GLI3: variants seen among roughly 807,000 people sequenced by gnomAD.
The protein encoded by GLI3 is transcription activator GLI3.
In GLI3, 20 loss-of-function variants were observed where a neutral mutation model predicts 100.8. The observed-to-expected ratio is 0.20, with a 90% confidence interval of 0.14 to 0.29. The LOEUF is 0.29. Among genes scored for constraint, GLI3 ranks in the 10% least tolerant of loss-of-function variants. The probability of loss-of-function intolerance (pLI) is 1.00; values close to 1 mark genes in which losing one functional copy is unlikely to be tolerated. For synonymous variants in GLI3, 938 were observed against 860.5 expected, an observed-to-expected ratio of 1.09 and a Z score of -1.58; for missense variants, 2,040 against 2,128.5, an observed-to-expected ratio of 0.96 and a Z score of 0.82.
chr7:42,110,456 C>T lies in GLI3; in HGVS notation c.368-33599G>A, dbSNP rs544124663. Reference sequence around the variant, plus strand: ...GAGGCCGTGTCAGCAGCACAGGCAACGGAAGTGGACATTCGTTATTTCCAC... The same window carrying T: ...GAGGCCGTGTCAGCAGCACAGGCAATGGAAGTGGACATTCGTTATTTCCAC... On this transcript the variant is annotated intron_variant, in intron 3 of 14. Transcript: ENST00000395925. Among the ~76,000 whole-genome samples, 11 of 152,268 alleles carry T rather than the reference C, an allele frequency of 7.2e-5. No individual in the cohort carries two copies. In the South Asian group the frequency reaches 8.3e-4, roughly 11 times the overall value.
In GLI3 at chr7:41,961,047, C is replaced by T. The variant is rs1786998330; in HGVS notation, c.*3283G>A. 1 of 152,650 alleles carries T rather than the reference C, an allele frequency of 6.6e-6. No homozygotes were observed. The highest frequency in any genetic ancestry group is 1.9e-4 in the East Asian group (1 of 5,170). 9.5% of individuals were successfully genotyped at this position (152,650 alleles called of 1,614,324 possible). On this transcript the variant is annotated 3_prime_UTR_variant, in exon 15 of 15. Coordinates refer to ENST00000395925, the MANE Select transcript of GLI3 (RefSeq NM_000168.6). ...TTCTGAAAGCAAAGGTAGAGTTCAT[C>T]TGTGGCTGGGCTGCAGCCCCTGGGC...
intron 10 of GLI3, among the ~76,000 whole-genome samples, chr7:41,988,913 G>A (rs1175340268): frequency 6.6e-6 from 1 of 152,172 alleles, no homozygotes; most frequent in Non-Finnish European, 1.5e-5. Flanking sequence ...TTGTTAAAGA[G>A]CTTCTCAGAG....
intron 5 of GLI3, among the ~76,000 whole-genome samples, chr7:42,047,772 T>C (rs980410657): frequency 6.6e-6 from 1 of 152,192 alleles, no homozygotes; most frequent in Non-Finnish European, 1.5e-5. Context: ...CTCATTTCCT[T>C]TCCCAGTACA....
At chr7:42,178,662 T>C (rs1181901834) in intron 2 of GLI3, among the ~76,000 whole-genome samples, 1 of 152,162 alleles carries the variant, frequency 6.6e-6, no homozygotes, top group Admixed American at 6.5e-5. Flanking sequence ...GTCTAGACAC[T>C]TGGACTCTAG....
chr7:42,018,128 T>C (rs1788822899), intron 10 of GLI3, among the ~76,000 whole-genome samples: 1 of 152,214 alleles, frequency 6.6e-6, no homozygotes, highest in African/African-American at 2.4e-5. Context: ...TCTGATCTCC[T>C]GAGTGTCTCT....
At chr7:42,100,799 G>A (rs1785445265) in intron 3 of GLI3, among the ~76,000 whole-genome samples, 1 of 152,120 alleles carries the variant, frequency 6.6e-6, no homozygotes, top group African/African-American at 2.4e-5. Context: ...AGACAGCCAT[G>A]GAAGAGAGGC....
chr7:42,088,994 G>A (rs1785161994), intron 3 of GLI3, among the ~76,000 whole-genome samples: 1 of 152,154 alleles, frequency 6.6e-6, no homozygotes, highest in Non-Finnish European at 1.5e-5. Flanking sequence ...CTCCATCTGA[G>A]TCCTCTCCTC....
rs560026586 is a variant in GLI3, at chr7:42,030,759, C to T, written c.1029-4347G>A. 6.2e-5 allele frequency among the ~76,000 whole-genome samples: 9 copies of T among 144,618 alleles called. No homozygotes were observed. In the East Asian group the frequency reaches 1.8e-3, roughly 30 times the overall value. The allele number at this position is 144,618 out of a possible 152,430, so 94.9% of individuals were successfully genotyped here. A position where few individuals can be genotyped will look rare whatever the true frequency, so the allele number is the denominator to read the frequency against. Reference sequence around the variant, plus strand: ...TTTGAGATGGAGACTCGTTCTGTCTCCCAGGCTGGAGTGCAGTGGCACGAT... The same window carrying T: ...TTTGAGATGGAGACTCGTTCTGTCTTCCAGGCTGGAGTGCAGTGGCACGAT... On this transcript the variant is annotated intron_variant, in intron 7 of 14. Coordinates refer to ENST00000395925, the MANE Select transcript of GLI3 (RefSeq NM_000168.6).
At chr7:42,191,031 A>T (rs1787817132) in intron 2 of GLI3, among the ~76,000 whole-genome samples, 1 of 152,152 alleles carries the variant, frequency 6.6e-6, no homozygotes, top group African/African-American at 2.4e-5. Context: ...AAAAAATAAT[A>T]TTAAAGTAAC....
At chr7:42,058,602 A>C (rs11983849) in intron 4 of GLI3, among the ~76,000 whole-genome samples, 1,840 of 152,352 alleles carry the variant, frequency 0.012, 29 homozygotes, top group African/African-American at 0.039. Context: ...ACATTAGTCT[A>C]AATTCAAGGT....
chr7:42,000,751 C>A (rs768979865), intron 10 of GLI3, among the ~76,000 whole-genome samples: 1 of 152,104 alleles, frequency 6.6e-6, no homozygotes, highest in Non-Finnish European at 1.5e-5. Context: ...ACAGTGGAGG[C>A]AGCAAGGAGC....
intron 3 of GLI3, among the ~76,000 whole-genome samples, chr7:42,143,854 T>G (rs562210788): frequency 1.1e-3 from 162 of 152,300 alleles, no homozygotes; most frequent in Admixed American, 2.1e-3. Context: ...AAAAGCAGCC[T>G]TCACACAACT....
intron 10 of GLI3, among the ~76,000 whole-genome samples, chr7:41,989,804 G>A (rs1481344883): frequency 3.3e-5 from 5 of 151,630 alleles, no homozygotes; most frequent in Non-Finnish European, 4.4e-5. Context: ...AGGCTGAGGC[G>A]GGAGGATTGC....
chr7:42,086,147 T>G lies in GLI3; in HGVS notation c.368-9290A>C, dbSNP rs1785097141. Among the ~76,000 whole-genome samples the G allele has an allele frequency of 2.0e-5, 3 of 152,232 alleles. No individual in the cohort carries two copies. In the South Asian group the frequency reaches 6.2e-4, roughly 32 times the overall value. On this transcript the variant is annotated intron_variant, in intron 3 of 14. Coordinates refer to ENST00000395925, the MANE Select transcript of GLI3 (RefSeq NM_000168.6). ...CTTGATGAGCACAAGTGCAAGTCACTGAATACTTTAATGCAGGTCAAGCAA... is the reference window on the plus strand; with the variant it reads ...CTTGATGAGCACAAGTGCAAGTCACGGAATACTTTAATGCAGGTCAAGCAA...
intron 2 of GLI3, among the ~76,000 whole-genome samples, chr7:42,173,389 T>G (rs1562771439): frequency 2.0e-5 from 3 of 152,196 alleles, no homozygotes; most frequent in Admixed American, 6.6e-5. Context: ...TATGACTTGT[T>G]CAGTCTTTGC....
intron 2 of GLI3, among the ~76,000 whole-genome samples, chr7:42,178,025 T>C (rs3779169): frequency 0.082 from 12,420 of 152,188 alleles, 580 homozygotes; most frequent in African/African-American, 0.12. Context: ...AAACTTGACA[T>C]GGAAAAAATC....
rs1232469740 is a variant in GLI3, at chr7:41,967,576, T to C, written c.2431+20A>G. 6 of 1,554,978 alleles carry C rather than the reference T, an allele frequency of 3.9e-6. No homozygotes were observed. Among genetic ancestry groups the C allele is most frequent in the African/African-American group, 1.4e-5 (1 of 73,348 alleles). ...GAAAAAAAAACCCTGAGCAGATGCA[T>C]GGTCTGATGTAGAACTCACCATTTC... On this transcript the variant is annotated intron_variant, in intron 14 of 14. Coordinates refer to ENST00000395925, the MANE Select transcript of GLI3 (RefSeq NM_000168.6).
At chr7:42,037,606 G>T (rs182193772) in intron 7 of GLI3, among the ~76,000 whole-genome samples, 1 of 152,320 alleles carries the variant, frequency 6.6e-6, no homozygotes, top group East Asian at 1.9e-4. Context: ...AAGAAGGAGA[G>T]ATTGCACTGA....
At chr7:42,188,970 T>C (rs1374017428) in intron 2 of GLI3, among the ~76,000 whole-genome samples, 4 of 151,978 alleles carry the variant, frequency 2.6e-5, no homozygotes, top group Non-Finnish European at 4.4e-5. Flanking sequence ...ACACCAAGAG[T>C]GTCCCCTAAA....
Sources: allele counts gnomAD v4.1 joint callset (sites outside exome capture counted in the v4.1 genomes callset), GRCh38; gene constraint gnomAD v4.1.1; transcripts MANE v1.5; gene names NCBI Gene and HGNC (gene_info 2026-07-23, HGNC 2026-07-21).